The following ERBB4 variants were observed in gnomAD, a reference collection of about 807,000 sequenced individuals.
The protein encoded by ERBB4 is receptor tyrosine-protein kinase erbB-4.
A neutral mutation model predicts 158.0 loss-of-function variants in ERBB4; 42 were observed. The ratio of observed to expected loss-of-function variants is 0.27; its 90% CI spans 0.21 to 0.34. The LOEUF is 0.34. Among genes scored for constraint, ERBB4 ranks in the 10% least tolerant of loss-of-function variants. ERBB4 has a pLI of 1.00. For synonymous variants in ERBB4, 583 were observed against 558.7 expected, an observed-to-expected ratio of 1.04 and a Z score of -0.61; for missense variants, 1,333 against 1,624.1, an observed-to-expected ratio of 0.82 and a Z score of 3.08.
chr2:211,470,177 G>A (rs1035116026), intron 20 of ERBB4, among the ~76,000 whole-genome samples: 1 of 152,078 alleles, frequency 6.6e-6, no homozygotes, highest in Non-Finnish European at 1.5e-5. Flanking sequence ...ATGGAAAGAA[G>A]TACGTCCCAC....
At chr2:211,712,232 A>T (rs1156694355) in intron 8 of ERBB4, 56 bp from the exon 9 acceptor site, 3 of 1,511,062 alleles carry the variant, frequency 2.0e-6, no homozygotes, top group Non-Finnish European at 2.8e-6. Context: ...TGGCCAATAA[A>T]TCATTGCATC....
intron 13 of ERBB4, among the ~76,000 whole-genome samples, chr2:211,676,775 C>T (rs1370242282): frequency 6.6e-6 from 1 of 150,974 alleles, no homozygotes; most frequent in Non-Finnish European, 1.5e-5. Flanking sequence ...ATGTAATATT[C>T]ACTTAATGAA....
intron 2 of ERBB4, among the ~76,000 whole-genome samples, chr2:212,072,743 C>T (rs571062219): frequency 6.6e-6 from 1 of 151,926 alleles, no homozygotes; most frequent in African/African-American, 2.4e-5. Flanking sequence ...GATATTTAGT[C>T]AGTGGCTACT....
chr2:211,815,187 TAAAG>T (rs1340858570), intron 3 of ERBB4, among the ~76,000 whole-genome samples: 6 of 152,130 alleles, frequency 3.9e-5, no homozygotes, highest in Non-Finnish European at 5.9e-5. Flanking sequence ...AATTATATGA[TAAAG>T]AAAGTAACTC....
At chr2:212,119,411 C>T (rs979085763) in intron 2 of ERBB4, among the ~76,000 whole-genome samples, 7 of 152,110 alleles carry the variant, frequency 4.6e-5, no homozygotes, top group African/African-American at 1.7e-4. Flanking sequence ...TAAGTGCCAG[C>T]AGTAGCAAAG....
At chr2:212,284,445 G>C (rs2085882491) in intron 1 of ERBB4, among the ~76,000 whole-genome samples, 1 of 152,030 alleles carries the variant, frequency 6.6e-6, no homozygotes, top group African/African-American at 2.4e-5. Flanking sequence ...TTTTGTTTGA[G>C]TGAATGTAAA....
intron 6 of ERBB4, among the ~76,000 whole-genome samples, chr2:211,724,359 T>A (rs2074198102): frequency 6.6e-6 from 1 of 151,788 alleles, no homozygotes; most frequent in African/African-American, 2.4e-5. Context: ...TTTTTTTTTT[T>A]TTAAAAAAAG....
Position 212,063,667 on chromosome 2 carries a change from AAAAC to A in ERBB4, c.234+61081_234+61084del, listed in dbSNP as rs1416803223. On this transcript the variant is annotated intron_variant, in intron 2 of 27. Transcript: ENST00000342788. ...AATAATTTAAAATTTAGGGATGGCAAAAACAAACGTAAAAATTAAAACAAAACCT... is the reference window on the plus strand; with the variant it reads ...AATAATTTAAAATTTAGGGATGGCAAAAACGTAAAAATTAAAACAAAACCT... Among the ~76,000 whole-genome samples the A allele has an allele frequency of 3.3e-5, 5 of 152,326 alleles. No individual in the cohort carries two copies. In the East Asian group the frequency reaches 7.7e-4, roughly 23 times the overall value.
At chr2:212,152,701 A>T (rs1363271189) in intron 1 of ERBB4, among the ~76,000 whole-genome samples, 1 of 152,134 alleles carries the variant, frequency 6.6e-6, no homozygotes, top group African/African-American at 2.4e-5. Context: ...TGCCTATTGA[A>T]TATCTCCACT....
intron 1 of ERBB4, among the ~76,000 whole-genome samples, chr2:212,350,771 AAAT>A (rs1439915871): frequency 6.6e-6 from 1 of 150,528 alleles, no homozygotes; most frequent in Non-Finnish European, 1.5e-5. Context: ...AGTAAACTAT[AAAT>A]AAGGTGACAA....
intron 15 of ERBB4, among the ~76,000 whole-genome samples, chr2:211,662,511 C>T (rs1414157974): frequency 6.6e-6 from 1 of 152,110 alleles, no homozygotes. Flanking sequence ...GTGTCTTGTT[C>T]ATTTCTGAAT....
At chr2:211,933,066 T>C (rs2080219819) in intron 3 of ERBB4, among the ~76,000 whole-genome samples, 1 of 152,014 alleles carries the variant, frequency 6.6e-6, no homozygotes, top group Non-Finnish European at 1.5e-5. Context: ...TGTATTTATT[T>C]TGCACAAGTG....
intron 1 of ERBB4, among the ~76,000 whole-genome samples, chr2:212,156,008 A>G (rs575269543): frequency 6.6e-6 from 1 of 152,174 alleles, no homozygotes; most frequent in South Asian, 2.1e-4. Context: ...ATTTTTAAAT[A>G]TGTTTCTGGA....
intron 1 of ERBB4, among the ~76,000 whole-genome samples, chr2:212,311,169 A>G (rs2087028336): frequency 6.6e-6 from 1 of 150,972 alleles, no homozygotes; most frequent in African/African-American, 2.4e-5. Flanking sequence ...AATTTGTCAA[A>G]TTAGTAACTT....
At chr2:211,822,649 T>G (rs2077019429) in intron 3 of ERBB4, among the ~76,000 whole-genome samples, 1 of 151,938 alleles carries the variant, frequency 6.6e-6, no homozygotes, top group Admixed American at 6.6e-5. Flanking sequence ...CAAACCAAAA[T>G]CCACATAAAT....
chr2:212,297,508 G>C (rs2086457030), intron 1 of ERBB4, among the ~76,000 whole-genome samples: 1 of 151,756 alleles, frequency 6.6e-6, no homozygotes, highest in African/African-American at 2.4e-5. Context: ...AACACTAAAA[G>C]ACACATAAGC....
At chr2:211,385,909 CTCT>C (rs1276523431) in intron 27 of ERBB4, among the ~76,000 whole-genome samples, 3 of 152,166 alleles carry the variant, frequency 2.0e-5, no homozygotes, top group Non-Finnish European at 2.9e-5. Flanking sequence ...AGCATCCAAA[CTCT>C]TCATTACATT....
At chr2:212,485,943 A>G (rs1689955616) in intron 1 of ERBB4, among the ~76,000 whole-genome samples, 1 of 152,024 alleles carries the variant, frequency 6.6e-6, no homozygotes, top group African/African-American at 2.4e-5. Context: ...CCATCTCCTA[A>G]TACCACTGCC....
chr2:211,715,733 C>T (rs965661530), intron 7 of ERBB4, among the ~76,000 whole-genome samples: 13 of 152,172 alleles, frequency 8.5e-5, no homozygotes, highest in African/African-American at 2.9e-4. Flanking sequence ...CTTCTCTTCA[C>T]CTTCACTGTG....
Sources: allele counts gnomAD v4.1 joint callset (sites outside exome capture counted in the v4.1 genomes callset), GRCh38; gene constraint gnomAD v4.1.1; transcripts MANE v1.5; gene names NCBI Gene and HGNC (gene_info 2026-07-23, HGNC 2026-07-21).